KALRN: variants seen among roughly 807,000 people sequenced by gnomAD.
KALRN encodes the protein kalirin RhoGEF kinase.
A neutral mutation model predicts 353.7 loss-of-function variants in KALRN; 70 were observed. The ratio of observed to expected loss-of-function variants is 0.20; its 90% CI spans 0.16 to 0.24. The LOEUF is 0.24. Among genes scored for constraint, KALRN ranks in the 10% least tolerant of loss-of-function variants. The pLI is 1.00. For synonymous variants in KALRN, 1,391 were observed against 1,434.8 expected, an observed-to-expected ratio of 0.97 and a Z score of 0.69; for missense variants, 2,791 against 3,756.7, an observed-to-expected ratio of 0.74 and a Z score of 6.72.
At chr3:124,558,739 A>AC (rs1389022043) in intron 33 of KALRN, among the ~76,000 whole-genome samples, 2 of 152,252 alleles carry the variant, frequency 1.3e-5, no homozygotes, top group Non-Finnish European at 2.9e-5. Flanking sequence ...AGGTGAAGTA[A>AC]CTTGCTCCTG....
intron 47 of KALRN, among the ~76,000 whole-genome samples, chr3:124,670,596 GT>G (rs1578843633): frequency 6.6e-6 from 1 of 152,156 alleles, no homozygotes; most frequent in Admixed American, 6.5e-5. Flanking sequence ...TCCTGTTGAG[GT>G]ATGTACCTAT....
intron 34 of KALRN, among the ~76,000 whole-genome samples, chr3:124,607,328 C>T (rs1448218286): frequency 6.6e-6 from 1 of 152,092 alleles, no homozygotes; most frequent in African/African-American, 2.4e-5. Flanking sequence ...TGTGCAAGAA[C>T]AAACTGTGTG....
At chr3:124,656,207 C>T (rs1048230449) in intron 39 of KALRN, among the ~76,000 whole-genome samples, 2 of 151,604 alleles carry the variant, frequency 1.3e-5, no homozygotes, top group Admixed American at 1.3e-4. Flanking sequence ...TAGGGATTCA[C>T]TTAAGAGGGA....
chr3:124,638,746 G>A (rs2081656401), intron 37 of KALRN, among the ~76,000 whole-genome samples: 1 of 129,346 alleles, frequency 7.7e-6, no homozygotes, highest in South Asian at 2.4e-4. Context: ...TACATAAGCA[G>A]TGGTCTCCAA....
intron 1 of KALRN, chr3:124,094,854 G>C (rs1369842479): frequency 6.2e-7 from 1 of 1,614,108 alleles, no homozygotes; most frequent in Non-Finnish European, 8.5e-7. Context: ...GACCGCTTCT[G>C]GGACCAGTGG....
At chr3:124,162,158 A>G (rs2070073088) in intron 1 of KALRN, 1 of 152,414 alleles carries the variant, frequency 6.6e-6, no homozygotes, top group Admixed American at 6.6e-5. Context: ...GGGGGCAGGA[A>G]AAATTCAGTG....
intron 34 of KALRN, among the ~76,000 whole-genome samples, chr3:124,564,880 G>T (rs2072605444): frequency 6.6e-6 from 1 of 152,188 alleles, no homozygotes; most frequent in Non-Finnish European, 1.5e-5. Context: ...TTACACTGAG[G>T]AAGCCAAAGC....
intron 1 of KALRN, among the ~76,000 whole-genome samples, chr3:124,104,893 T>C (rs780765716): frequency 6.6e-6 from 1 of 151,926 alleles, no homozygotes; most frequent in East Asian, 1.9e-4. Flanking sequence ...TTCTAGACAG[T>C]AAAGCATGGG....
chr3:124,386,973 A>G (rs1056789125), intron 11 of KALRN, among the ~76,000 whole-genome samples: 6 of 152,248 alleles, frequency 3.9e-5, no homozygotes, highest in African/African-American at 1.4e-4. Context: ...CTTTCTCAGT[A>G]GTACAGCAGA....
Position 124,568,555 on chromosome 3 carries a change from A to G in KALRN, c.5182+5466A>G, listed in dbSNP as rs559384310. Among the ~76,000 whole-genome samples, 3 of 152,334 alleles carry G rather than the reference A, an allele frequency of 2.0e-5. No individual in the cohort carries two copies. In the East Asian group the frequency reaches 5.8e-4, roughly 29 times the overall value. On this transcript the variant is annotated intron_variant, in intron 34 of 59. Transcript: ENST00000682506. ...GACACAAGCAGAAATTTGTACACCC[A>G]TGCTCATAGCAGCATTATTCACAAT...
intron 1 of KALRN, among the ~76,000 whole-genome samples, chr3:124,176,531 G>A (rs992174689): frequency 1.3e-5 from 2 of 152,124 alleles, no homozygotes; most frequent in African/African-American, 2.4e-5. Context: ...GCAGCTGCTC[G>A]TGCCAAAAGT....
chr3:124,458,784 CTT>C (rs2059581874), intron 23 of KALRN, among the ~76,000 whole-genome samples: 1 of 151,890 alleles, frequency 6.6e-6, no homozygotes, highest in African/African-American at 2.4e-5. Flanking sequence ...AAATACAAAA[CTT>C]AGCTGGGCAT....
chr3:124,251,974 G>A (rs1013276532), intron 3 of KALRN, among the ~76,000 whole-genome samples: 1 of 152,126 alleles, frequency 6.6e-6, no homozygotes, highest in South Asian at 2.1e-4. Flanking sequence ...GTAGAATTAG[G>A]TAGCAGACTT....
In KALRN at chr3:124,552,617, G is replaced by A. The variant is rs115337468; in HGVS notation, c.4936-10226G>A. The stretch of plus-strand genomic sequence containing the variant: ...ATAGGAAGAGCAGAAAGTCACATCC[G>A]TGGCCCTACAAAGGGAAATTATAGC... On this transcript the variant is annotated intron_variant, in intron 33 of 59. Coordinates refer to ENST00000682506, the MANE Select transcript of KALRN (RefSeq NM_001388419.1). Among the ~76,000 whole-genome samples the A allele has an allele frequency of 9.1e-3, 1,378 of 152,244 alleles. 21 individuals carry two copies. Among genetic ancestry groups the A allele is most frequent in the African/African-American group, 0.031 (1,278 of 41,530 alleles).
intron 5 of KALRN, among the ~76,000 whole-genome samples, chr3:124,278,496 G>A (rs2075012861): frequency 7.9e-6 from 1 of 126,662 alleles, no homozygotes; most frequent in Admixed American, 8.0e-5. Context: ...TGTGGTGCAG[G>A]GCAGTAACTG....
intron 56 of KALRN, among the ~76,000 whole-genome samples, chr3:124,701,419 G>A (rs573900689): frequency 6.3e-5 from 8 of 126,130 alleles, no homozygotes; most frequent in South Asian, 2.5e-4. Context: ...ACAGGGTCTC[G>A]CTCTGTCTCC....
At chr3:124,605,841 CAAG>C (rs1190393155) in intron 34 of KALRN, among the ~76,000 whole-genome samples, 2 of 152,140 alleles carry the variant, frequency 1.3e-5, no homozygotes, top group African/African-American at 4.8e-5. Flanking sequence ...TCAAAATAAA[CAAG>C]AACGGAGTAG....
chr3:124,554,828 G>T (rs1362820811), intron 33 of KALRN, among the ~76,000 whole-genome samples: 2 of 152,196 alleles, frequency 1.3e-5, no homozygotes, highest in African/African-American at 4.8e-5. Flanking sequence ...CAGGACACTG[G>T]AGGTTTTGGG....
At chr3:124,610,034 T>C (rs569717573) in intron 34 of KALRN, among the ~76,000 whole-genome samples, 7 of 152,350 alleles carry the variant, frequency 4.6e-5, no homozygotes, top group Admixed American at 1.3e-4. Flanking sequence ...ATGAAATCTT[T>C]TTTCCCCAAC....
Sources: allele counts gnomAD v4.1 joint callset (sites outside exome capture counted in the v4.1 genomes callset), GRCh38; gene constraint gnomAD v4.1.1; transcripts MANE v1.5; gene names NCBI Gene and HGNC (gene_info 2026-07-23, HGNC 2026-07-21).